The following PARD3B variants were observed in gnomAD, a reference collection of about 807,000 sequenced individuals.
The protein encoded by PARD3B is partitioning defective 3 homolog B.
PARD3B carries 103 observed loss-of-function variants against 130.2 expected under a neutral mutation model. The observed-to-expected ratio is 0.79, with a 90% CI of 0.67 to 0.93. PARD3B has a LOEUF of 0.93. Among genes scored for constraint, PARD3B ranks in the 40% least tolerant of loss-of-function variants. The pLI, the probability that PARD3B is intolerant of heterozygous loss-of-function variation, is 0.00. For synonymous variants in PARD3B, 583 were observed against 553.2 expected (o/e 1.05, Z -0.76); for missense variants, 1,609 against 1,499.2 (o/e 1.07, Z -1.21).
At chr2:204,880,350 A>G (rs938315361) in intron 2 of PARD3B, among the ~76,000 whole-genome samples, 1 of 152,160 alleles carries the variant, frequency 6.6e-6, no homozygotes, top group Non-Finnish European at 1.5e-5. Context: ...GCATGCATAT[A>G]TGTACATGCA....
chr2:204,901,541 A>G (rs1351490064), intron 2 of PARD3B, among the ~76,000 whole-genome samples: 1 of 151,770 alleles, frequency 6.6e-6, no homozygotes, highest in Non-Finnish European at 1.5e-5. Context: ...CCAAGTGCCA[A>G]GGCCTGGAAT....
chr2:205,354,503 G>A (rs1006771675), intron 18 of PARD3B, among the ~76,000 whole-genome samples: 2 of 149,692 alleles, frequency 1.3e-5, no homozygotes, highest in African/African-American at 4.9e-5. Context: ...AATCTTTTTA[G>A]AGCTGGGGTC....
intron 16 of PARD3B, among the ~76,000 whole-genome samples, chr2:205,254,501 G>A (rs1395172769): frequency 6.6e-6 from 1 of 152,032 alleles, no homozygotes; most frequent in Non-Finnish European, 1.5e-5. Flanking sequence ...GTAAGATGAA[G>A]GGTGTTTAGG....
At chr2:204,783,479 T>A (rs2041910253) in intron 2 of PARD3B, among the ~76,000 whole-genome samples, 1 of 152,030 alleles carries the variant, frequency 6.6e-6, no homozygotes, top group South Asian at 2.1e-4. Flanking sequence ...AGGGCCTATC[T>A]CCAGATATAG....
At position 205,329,254 on chromosome 2, in the gene PARD3B, C is replaced by T. The variant is rs565246664; in HGVS notation, c.2630+27553C>T. 2.6e-5 allele frequency among the ~76,000 whole-genome samples: 4 copies of T among 152,228 alleles called. No homozygotes were observed. The South Asian group carries it at 8.3e-4, about 32-fold the overall frequency. ...GCTTATGTCTTACAGAGAGCAAAGA[C>T]TACAATTTAAAATTATTTTACTTTC... On this transcript the variant is annotated intron_variant, in intron 18 of 22. Coordinates refer to ENST00000406610, the MANE Select transcript of PARD3B (RefSeq NM_001302769.2).
intron 22 of PARD3B, among the ~76,000 whole-genome samples, chr2:205,555,025 C>T (rs6435289): frequency 0.58 from 88,293 of 151,992 alleles, 26,031 homozygotes; most frequent in Middle Eastern, 0.75. Context: ...AAAATGGAGG[C>T]AGTTTCCAAA....
intron 2 of PARD3B, among the ~76,000 whole-genome samples, chr2:204,955,093 C>T (rs951670985): frequency 6.6e-6 from 1 of 152,172 alleles, no homozygotes; most frequent in Admixed American, 6.5e-5. Context: ...CATTTGATTG[C>T]TTACTCATTA....
intron 16 of PARD3B, among the ~76,000 whole-genome samples, chr2:205,285,075 C>T (rs1329251479): frequency 1.3e-5 from 2 of 150,870 alleles, no homozygotes; most frequent in Non-Finnish European, 2.9e-5. Flanking sequence ...TTAGAAAAGC[C>T]TTGTGTTTTT....
At chr2:204,585,648 G>A (rs2125087292) in intron 1 of PARD3B, among the ~76,000 whole-genome samples, 1 of 151,924 alleles carries the variant, frequency 6.6e-6, no homozygotes, top group Admixed American at 6.6e-5. Context: ...CAGTCTAATG[G>A]GCAGATAATT....
rs1689073788 is a variant in PARD3B at position 204,943,422 on chromosome 2, T to C, written c.223-21730T>C. Among the ~76,000 whole-genome samples the C allele has an allele frequency of 1.3e-5, 2 of 151,952 alleles. No homozygotes were observed. The highest frequency in any genetic ancestry group is 1.3e-4 in the Admixed American group (2 of 15,250). On this transcript the variant is annotated intron_variant, in intron 2 of 22. Transcript: ENST00000406610. This position sits in a 1 kb window ranked among gnomAD's most constrained non-coding sequence, Gnocchi z 4.2. Reference sequence around the variant, plus strand: ...CCCTTTCCTCTGCTTCTCATGGAGTTCTTACTGGTCCCCAGGTTAACCTAG... The same window carrying C: ...CCCTTTCCTCTGCTTCTCATGGAGTCCTTACTGGTCCCCAGGTTAACCTAG...
chr2:204,628,031 A>G (rs373667906), intron 1 of PARD3B, among the ~76,000 whole-genome samples: 3 of 149,980 alleles, frequency 2.0e-5, no homozygotes, highest in African/African-American at 4.9e-5. Context: ...TAGTTAGTGT[A>G]TATTACATGT....
chr2:205,600,908 T>C (rs1000843478), intron 22 of PARD3B, among the ~76,000 whole-genome samples: 2 of 152,236 alleles, frequency 1.3e-5, no homozygotes, highest in Non-Finnish European at 2.9e-5. Flanking sequence ...CTGTCATTGA[T>C]GGGCATTTGA....
At chr2:205,561,999 G>A (rs948518991) in intron 22 of PARD3B, among the ~76,000 whole-genome samples, 2 of 152,134 alleles carry the variant, frequency 1.3e-5, no homozygotes, top group African/African-American at 4.8e-5. Flanking sequence ...TTAAGGCCAA[G>A]GACAAAATGA....
intron 1 of PARD3B, among the ~76,000 whole-genome samples, chr2:204,661,600 A>G (rs1309332267): frequency 3.9e-5 from 6 of 152,196 alleles, no homozygotes; most frequent in African/African-American, 1.4e-4. Context: ...TAACTCCTTG[A>G]GAACCCAAAT....
At chr2:205,295,992 A>T (rs2041777002) in intron 16 of PARD3B, among the ~76,000 whole-genome samples, 2 of 152,186 alleles carry the variant, frequency 1.3e-5, no homozygotes, top group Admixed American at 6.5e-5. Flanking sequence ...ATTTTTTATG[A>T]AGTCCTTTTT....
At chr2:205,565,289 A>T (rs2053281207) in intron 22 of PARD3B, among the ~76,000 whole-genome samples, 1 of 152,224 alleles carries the variant, frequency 6.6e-6, no homozygotes, top group African/African-American at 2.4e-5. Flanking sequence ...AATTTGCCAC[A>T]GTGAAGTTTT....
rs1201158286 is a variant in PARD3B at position 205,021,905 on chromosome 2, CT to C, written c.395-25672del. On this transcript the variant is annotated intron_variant, in intron 3 of 22. Coordinates refer to ENST00000406610, the MANE Select transcript of PARD3B (RefSeq NM_001302769.2). This position sits in a 1 kb window ranked among gnomAD's most constrained non-coding sequence, Gnocchi z 4.5. ...AAAATCTTCATATGTGGTCAAACACCTTTTACTTTTATTAGGAGAAAATGGA... is the reference window on the plus strand; with the variant it reads ...AAAATCTTCATATGTGGTCAAACACCTTTACTTTTATTAGGAGAAAATGGA... Among the ~76,000 whole-genome samples the C allele has an allele frequency of 2.5e-4, 38 of 152,108 alleles. 1 individual carries two copies. Among genetic ancestry groups the C allele is most frequent in the Non-Finnish European group, 4.9e-4 (33 of 68,010 alleles).
At chr2:204,840,053 T>C (rs2044204848) in intron 2 of PARD3B, among the ~76,000 whole-genome samples, 1 of 152,168 alleles carries the variant, frequency 6.6e-6, no homozygotes, top group South Asian at 2.1e-4. Flanking sequence ...AGGTAAGGGA[T>C]TTACATCCTT....
intron 1 of PARD3B, among the ~76,000 whole-genome samples, chr2:204,659,116 T>C (rs2035723109): frequency 6.6e-6 from 1 of 152,158 alleles, no homozygotes; most frequent in African/African-American, 2.4e-5. Context: ...CAATTTGCAT[T>C]CTTAGATGTG....
Sources: gnomAD v4.1 joint callset for allele counts (sites outside exome capture counted in the v4.1 genomes callset) on GRCh38, gnomAD v4.1.1 for gene constraint, Gnocchi (gnomAD v3.1) non-coding constraint, MANE v1.5 for transcripts, NCBI Gene and HGNC (gene_info 2026-07-23, HGNC 2026-07-21) for gene names.